The following HMGCLL1 variants were observed in gnomAD, a reference collection of about 807,000 sequenced individuals.
The protein encoded by HMGCLL1 is 3-hydroxy-3-methylglutaryl-CoA lyase like 1, also known as 3-hydroxymethyl-3-methylglutaryl-CoA lyase, cytoplasmic.
HMGCLL1 carries 36 observed loss-of-function variants against 39.1 expected under a neutral mutation model. The ratio of observed to expected loss-of-function variants is 0.92; its 90% CI spans 0.71 to 1.22. The LOEUF (loss-of-function observed/expected upper bound fraction) is 1.22. HMGCLL1 is among the 50% of genes most tolerant of loss of function. The pLI is 0.00. For missense variants in HMGCLL1, 451 were observed against 416.5 expected (o/e 1.08, Z -0.72); for synonymous variants, 149 against 144.0 (o/e 1.03, Z -0.25).
intron 3 of HMGCLL1, among the ~76,000 whole-genome samples, chr6:55,537,843 A>G (rs971553619): frequency 6.6e-6 from 1 of 152,168 alleles, no homozygotes; most frequent in African/African-American, 2.4e-5. Context: ...TAATACTTTG[A>G]GCCTTGGAAG....
chr6:55,618,333 A>T, the HMGCLL1 span, among the ~76,000 whole-genome samples: 1 of 151,988 alleles, frequency 6.6e-6, no homozygotes, highest in African/African-American at 2.4e-5. Flanking sequence ...CACCAAAAAA[A>T]GTAAAAAAAA....
At chr6:55,522,957 GA>G (rs1035728167) in intron 3 of HMGCLL1, among the ~76,000 whole-genome samples, 11 of 151,802 alleles carry the variant, frequency 7.2e-5, no homozygotes, top group Non-Finnish European at 1.3e-4. Flanking sequence ...ATTCATGTGA[GA>G]AAAAAATACA....
chr6:55,510,431 C>T (rs373467952), intron 5 of HMGCLL1, among the ~76,000 whole-genome samples: 2 of 151,436 alleles, frequency 1.3e-5, no homozygotes, highest in East Asian at 1.9e-4. Context: ...GAAAATGTGG[C>T]ACATATACAC....
the HMGCLL1 span, among the ~76,000 whole-genome samples, chr6:55,594,225 T>G: frequency 6.6e-6 from 1 of 152,292 alleles, no homozygotes; most frequent in East Asian, 1.9e-4. Context: ...AACAGTTGAT[T>G]TATTTTTCTT....
the HMGCLL1 span, among the ~76,000 whole-genome samples, chr6:55,675,311 G>T: frequency 1.3e-5 from 2 of 152,062 alleles, no homozygotes; most frequent in African/African-American, 4.8e-5. Flanking sequence ...TTTCTGAGTG[G>T]TGTTTCACCT....
chr6:55,571,879 G>C (rs1006792441), intron 1 of HMGCLL1, among the ~76,000 whole-genome samples: 1 of 152,018 alleles, frequency 6.6e-6, no homozygotes, highest in Non-Finnish European at 1.5e-5. Context: ...AAGCTAGAGA[G>C]TAATCATATA....
the HMGCLL1 span, among the ~76,000 whole-genome samples, chr6:55,639,367 T>C: frequency 6.6e-6 from 1 of 150,932 alleles, no homozygotes; most frequent in African/African-American, 2.4e-5. Flanking sequence ...TTCTTTATTC[T>C]GTGAATATTT....
chr6:55,529,359 T>C (rs1000956838), intron 3 of HMGCLL1, among the ~76,000 whole-genome samples: 2 of 152,140 alleles, frequency 1.3e-5, no homozygotes, highest in Admixed American at 6.6e-5. Context: ...ATACAGACTG[T>C]AAACAAAGTT....
chr6:55,473,953 T>C (rs2127405511), intron 7 of HMGCLL1, among the ~76,000 whole-genome samples: 1 of 151,692 alleles, frequency 6.6e-6, no homozygotes, highest in African/African-American at 2.4e-5. Context: ...CTTTTGTGGT[T>C]TCTGAAGGAC....
intron 1 of HMGCLL1, among the ~76,000 whole-genome samples, chr6:55,561,229 T>C (rs1384275342): frequency 6.6e-6 from 1 of 152,176 alleles, no homozygotes; most frequent in African/African-American, 2.4e-5. Flanking sequence ...TTGGAATATA[T>C]CTAAACTACA....
chr6:55,644,220 A>C, the HMGCLL1 span, among the ~76,000 whole-genome samples: 1 of 151,966 alleles, frequency 6.6e-6, no homozygotes, highest in Non-Finnish European at 1.5e-5. Flanking sequence ...AGAAATATCT[A>C]TTCAAACCTT....
chr6:55,527,209 G>A (rs191782594), intron 3 of HMGCLL1, among the ~76,000 whole-genome samples: 5 of 152,124 alleles, frequency 3.3e-5, no homozygotes, highest in Admixed American at 3.3e-4. Context: ...TCACCTTCAG[G>A]CTGAACAGTC....
chr6:55,658,528 C>T, the HMGCLL1 span, among the ~76,000 whole-genome samples: 2,143 of 151,772 alleles, frequency 0.014, 57 homozygotes, highest in African/African-American at 0.045. Context: ...CCCCATGGAC[C>T]GAGATCTGAG....
the HMGCLL1 span, among the ~76,000 whole-genome samples, chr6:55,644,372 G>C: frequency 1.3e-5 from 2 of 151,710 alleles, no homozygotes; most frequent in Non-Finnish European, 2.9e-5. Context: ...TTGACTGTTT[G>C]CTTTGCTGTC....
At chr6:55,540,025 G>A (rs1482927678) in intron 3 of HMGCLL1, among the ~76,000 whole-genome samples, 5 of 79,744 alleles carry the variant, frequency 6.3e-5, no homozygotes, top group East Asian at 9.4e-4. Context: ...AGGGAGGGAG[G>A]GAGGGAGGGA....
At chr6:55,566,598 A>G (rs559299659) in intron 1 of HMGCLL1, 1 of 456,126 alleles carries the variant, frequency 2.2e-6, no homozygotes, top group South Asian at 1.5e-5. Flanking sequence ...TGAGGGGATC[A>G]TTACATCCTT....
chr6:55,459,735 C>G (rs1433640033), intron 7 of HMGCLL1, among the ~76,000 whole-genome samples: 1 of 151,938 alleles, frequency 6.6e-6, no homozygotes, highest in Admixed American at 6.6e-5. Context: ...CAGATGCTCA[C>G]TAGAATAAGT....
chr6:55,497,978 G>C (rs1003883771), intron 6 of HMGCLL1, among the ~76,000 whole-genome samples: 4 of 152,158 alleles, frequency 2.6e-5, no homozygotes, highest in African/African-American at 9.7e-5. Flanking sequence ...ATTTCAGAGA[G>C]AAGAGAGTGA....
chr6:55,622,452 C>A, the HMGCLL1 span, among the ~76,000 whole-genome samples: 21 of 151,980 alleles, frequency 1.4e-4, no homozygotes, highest in Admixed American at 1.0e-3. Flanking sequence ...CCTTCTAAAC[C>A]CAGTTTTTTG....
Sources: allele counts gnomAD v4.1 joint callset (sites outside exome capture counted in the v4.1 genomes callset), GRCh38; gene constraint gnomAD v4.1.1; transcripts MANE v1.5; gene names NCBI Gene and HGNC (gene_info 2026-07-23, HGNC 2026-07-21).